The following NCALD variants were observed in gnomAD, a reference collection of about 807,000 sequenced individuals.
NCALD encodes neurocalcin-delta.
Under a neutral mutation model 18.6 loss-of-function variants are expected in NCALD, and 10 were observed. The ratio of observed to expected loss-of-function variants is 0.54; its 90% CI spans 0.33 to 0.91. The LOEUF (loss-of-function observed/expected upper bound fraction) is 0.91, where lower values mean the gene tolerates loss of function less well. Among genes scored for constraint, NCALD ranks in the 40% least tolerant of loss-of-function variants. NCALD has a pLI of 0.03. For missense variants in NCALD, 184 were observed against 247.6 expected (o/e 0.74, Z 1.72); for synonymous variants, 88 against 87.4 (o/e 1.01, Z -0.04).
At chr8:101,938,317 A>G (rs1370634464) in intron 2 of NCALD, among the ~76,000 whole-genome samples, 2 of 152,158 alleles carry the variant, frequency 1.3e-5, no homozygotes, top group African/African-American at 4.8e-5. Flanking sequence ...TAACCTTTAT[A>G]ATACTCTTAT....
At chr8:101,953,484 A>G (rs1451180321) in intron 2 of NCALD, among the ~76,000 whole-genome samples, 1 of 152,262 alleles carries the variant, frequency 6.6e-6, no homozygotes. Flanking sequence ...TGTAAAACAA[A>G]GATGACAAGC....
At chr8:101,884,081 T>G (rs115806758) in intron 4 of NCALD, among the ~76,000 whole-genome samples, 129 of 152,344 alleles carry the variant, frequency 8.5e-4, no homozygotes, top group African/African-American at 3.1e-3. Context: ...CGCCTTGCTC[T>G]CCAGCAATAC....
chr8:102,055,266 AG>A (rs149500886), intron 1 of NCALD, among the ~76,000 whole-genome samples: 30,992 of 141,462 alleles, frequency 0.22, 3,677 homozygotes, highest in Non-Finnish European at 0.27. Context: ...AAAAAAAAAA[AG>A]AAGAAGAAGC....
chr8:101,960,997 C>G (rs985556313), intron 2 of NCALD, among the ~76,000 whole-genome samples: 2 of 152,090 alleles, frequency 1.3e-5, no homozygotes, highest in African/African-American at 4.8e-5. Flanking sequence ...TCATTTTCAC[C>G]ATAGCACTCA....
intron 2 of NCALD, among the ~76,000 whole-genome samples, chr8:101,715,495 T>C (rs1563687257): frequency 6.6e-6 from 1 of 152,186 alleles, no homozygotes; most frequent in Non-Finnish European, 1.5e-5. Context: ...AAAGAGCTTC[T>C]GCACAGCAAA....
At chr8:102,016,179 G>C (rs768162770) in intron 2 of NCALD, among the ~76,000 whole-genome samples, 1 of 152,156 alleles carries the variant, frequency 6.6e-6, no homozygotes, top group Non-Finnish European at 1.5e-5. Flanking sequence ...GCAGGTCCAG[G>C]ATCCTGTGCT....
intron 1 of NCALD, among the ~76,000 whole-genome samples, chr8:102,030,552 GTC>G (rs1335408878): frequency 6.6e-6 from 1 of 152,132 alleles, no homozygotes. Flanking sequence ...TATTTATCTT[GTC>G]TCTCTGTATG....
At chr8:101,862,133 A>G (rs1815568917) in intron 4 of NCALD, among the ~76,000 whole-genome samples, 1 of 152,262 alleles carries the variant, frequency 6.6e-6, no homozygotes, top group South Asian at 2.1e-4. Flanking sequence ...CATGTCTGAC[A>G]AAGAATTAGA....
At chr8:101,832,286 T>C (rs1029428683) in intron 4 of NCALD, among the ~76,000 whole-genome samples, 1 of 152,114 alleles carries the variant, frequency 6.6e-6, no homozygotes, top group African/African-American at 2.4e-5. Flanking sequence ...CATAAATCCA[T>C]GGGACCTCCT....
chr8:101,701,760 A>ACACC (rs1395267306), intron 2 of NCALD, among the ~76,000 whole-genome samples: 1 of 152,162 alleles, frequency 6.6e-6, no homozygotes, highest in Non-Finnish European at 1.5e-5. Flanking sequence ...AGGAAACCAG[A>ACACC]CACCCACGTC....
intron 3 of NCALD, among the ~76,000 whole-genome samples, chr8:101,889,478 C>T (rs527692556): frequency 5.3e-5 from 8 of 152,176 alleles, no homozygotes; most frequent in Non-Finnish European, 1.2e-4. Flanking sequence ...AAAAGCAGAA[C>T]CCATACTCTG....
intron 1 of NCALD, among the ~76,000 whole-genome samples, chr8:101,743,265 G>A (rs1472671316): frequency 9.1e-6 from 1 of 109,764 alleles, no homozygotes; most frequent in African/African-American, 2.7e-5. Flanking sequence ...GTGTGTTCCT[G>A]GATATTACAG....
rs116360247 is a variant in NCALD at position 101,980,497 on chromosome 8, A to G, written c.-157+39740T>C. 6.8e-3 allele frequency among the ~76,000 whole-genome samples: 1,035 copies of G among 152,330 alleles called. 8 individuals carry two copies. Among genetic ancestry groups the G allele is most frequent in the Middle Eastern group, 0.024 (7 of 294 alleles). On this transcript the variant is annotated intron_variant, in intron 2 of 6. Transcript: ENST00000311028. ...AAGACTATTGGCGAAGGGTCTCAGG[A>G]TACATAGAGAAAACTGAACAAGAAG...
chr8:102,050,600 T>G (rs914394196), intron 1 of NCALD, among the ~76,000 whole-genome samples: 2 of 149,730 alleles, frequency 1.3e-5, no homozygotes, highest in African/African-American at 4.9e-5. Flanking sequence ...ATGACAAAAA[T>G]TATACTATAT....
At chr8:102,018,410 C>A (rs1478569153) in intron 2 of NCALD, among the ~76,000 whole-genome samples, 1 of 152,150 alleles carries the variant, frequency 6.6e-6, no homozygotes, top group South Asian at 2.1e-4. Context: ...TTCTACTCAA[C>A]AATACAAAGG....
At chr8:101,904,369 G>T (rs753944682) in intron 3 of NCALD, among the ~76,000 whole-genome samples, 5 of 151,718 alleles carry the variant, frequency 3.3e-5, no homozygotes, top group Non-Finnish European at 7.4e-5. Flanking sequence ...AGAAATAAAA[G>T]GTCTTCCTTC....
chr8:102,122,044 T>C (rs1825959438), intron 1 of NCALD, among the ~76,000 whole-genome samples: 1 of 152,208 alleles, frequency 6.6e-6, no homozygotes, highest in African/African-American at 2.4e-5. Context: ...GATACATAGA[T>C]AATGTACATA....
rs141197500 is a variant in NCALD, at chr8:102,109,111, G to A, written c.-210+15126C>T. Among the ~76,000 whole-genome samples the A allele has an allele frequency of 2.4e-3, 359 of 152,214 alleles. 4 individuals carry two copies. Among genetic ancestry groups the A allele is most frequent in the African/African-American group, 7.8e-3 (323 of 41,530 alleles). On this transcript the variant is annotated intron_variant, in intron 1 of 6. Coordinates refer to the NCALD transcript ENST00000311028. ...ATGGCATCCTGATATTCAAGTTCAA[G>A]GCAAAGATCTGGGGCCTGAGAAATC... is the stretch of plus-strand genomic sequence containing the variant.
chr8:101,726,784 G>T (rs554728598), intron 1 of NCALD, among the ~76,000 whole-genome samples: 3 of 152,248 alleles, frequency 2.0e-5, no homozygotes, highest in Admixed American at 2.0e-4. Flanking sequence ...TTACAGCCAA[G>T]GACTGAATGA....
Sources: allele counts gnomAD v4.1 joint callset (sites outside exome capture counted in the v4.1 genomes callset), GRCh38; gene constraint gnomAD v4.1.1; transcripts MANE v1.5; gene names NCBI Gene and HGNC (gene_info 2026-07-23, HGNC 2026-07-21).